EYS: variants seen among roughly 807,000 people sequenced by gnomAD.
The protein encoded by EYS is EGF-like photoreceptor maintenance factor.
In EYS, 250 loss-of-function variants were observed where a neutral mutation model predicts 282.1. That is an observed-to-expected ratio of 0.89 (90% CI 0.80 to 0.98). The LOEUF (loss-of-function observed/expected upper bound fraction) is 0.98. EYS is among the 50% of genes least tolerant of loss of function. The pLI, the probability that EYS is intolerant of heterozygous loss-of-function variation, is 0.00. For missense variants in EYS, 4,016 were observed against 3,709.0 expected, an observed-to-expected ratio of 1.08 and a Z score of -2.15; for synonymous variants, 1,355 against 1,282.9, an observed-to-expected ratio of 1.06 and a Z score of -1.20.
chr6:64,801,674 G>T (rs1467724890), intron 22 of EYS, among the ~76,000 whole-genome samples: 1 of 151,936 alleles, frequency 6.6e-6, no homozygotes, highest in Non-Finnish European at 1.5e-5. Context: ...AAAATGAAAA[G>T]GCTAATAGAT....
chr6:65,503,261 T>C (rs1053344861), intron 2 of EYS, among the ~76,000 whole-genome samples: 2 of 151,714 alleles, frequency 1.3e-5, no homozygotes, highest in South Asian at 4.1e-4. Flanking sequence ...ACCATCTGTA[T>C]ATTTTGGGGG....
chr6:64,646,676 G>A (rs1376188066), intron 22 of EYS, among the ~76,000 whole-genome samples: 2 of 151,882 alleles, frequency 1.3e-5, no homozygotes, highest in Non-Finnish European at 2.9e-5. Context: ...CGTGGTGGCG[G>A]GCGCCTGAGT....
intron 22 of EYS, among the ~76,000 whole-genome samples, chr6:64,708,177 G>T (rs1317683001): frequency 1.3e-5 from 2 of 152,148 alleles, no homozygotes; most frequent in East Asian, 1.9e-4. Flanking sequence ...GTCATAACTT[G>T]TTGACCCAAC....
intron 22 of EYS, among the ~76,000 whole-genome samples, chr6:64,728,177 T>C (rs2149949613): frequency 6.6e-6 from 1 of 152,176 alleles, no homozygotes; most frequent in East Asian, 1.9e-4. Context: ...GCGGACCCTG[T>C]GGCAGTGTCT....
chr6:65,686,852 G>C (rs922796618), intron 1 of EYS, among the ~76,000 whole-genome samples: 1 of 151,994 alleles, frequency 6.6e-6, no homozygotes, highest in Non-Finnish European at 1.5e-5. Context: ...ACTGGTAAAA[G>C]TTAAGAGGTA....
intron 32 of EYS, among the ~76,000 whole-genome samples, chr6:64,075,784 T>C (rs542916923): frequency 8.0e-4 from 121 of 152,084 alleles, no homozygotes; most frequent in African/African-American, 2.8e-3. Context: ...AGCACTGTTT[T>C]ATGCAGGTTA....
At chr6:65,358,843 T>A (rs1382187271) in intron 8 of EYS, among the ~76,000 whole-genome samples, 1 of 152,016 alleles carries the variant, frequency 6.6e-6, no homozygotes, top group African/African-American at 2.4e-5. Flanking sequence ...AAGTTGCTAA[T>A]AACAATATAC....
chr6:63,976,370 T>C (rs1766838169), intron 35 of EYS, among the ~76,000 whole-genome samples: 1 of 152,078 alleles, frequency 6.6e-6, no homozygotes, highest in African/African-American at 2.4e-5. Flanking sequence ...GAGACCACCA[T>C]CATCTGTTTT....
chr6:65,101,243 T>C lies in EYS; in HGVS notation c.2024-43516A>G, dbSNP rs542716391. Reference sequence around the variant, plus strand: ...TTGAAGGCTGAGGAACGAGGCAATATAATATTGAAAACATTTGAAGTTTTT... The same window carrying C: ...TTGAAGGCTGAGGAACGAGGCAATACAATATTGAAAACATTTGAAGTTTTT... On this transcript the variant is annotated intron_variant, in intron 12 of 42. Transcript: ENST00000503581. Among the ~76,000 whole-genome samples the C allele has an allele frequency of 4.0e-5, 6 of 151,264 alleles. No homozygotes were observed. The South Asian group carries it at 1.2e-3, about 31-fold the overall frequency.
At chr6:65,669,381 C>A (rs189149939) in intron 1 of EYS, among the ~76,000 whole-genome samples, 1 of 152,000 alleles carries the variant, frequency 6.6e-6, no homozygotes, top group Non-Finnish European at 1.5e-5. Context: ...AGGCATCAGA[C>A]TCTCTGTACA....
chr6:64,502,382 C>CGGCTA (rs1562029104), intron 26 of EYS, among the ~76,000 whole-genome samples: 1 of 151,890 alleles, frequency 6.6e-6, no homozygotes, highest in East Asian at 1.9e-4. Flanking sequence ...CTAGGACTCC[C>CGGCTA]GGCTAATTTT....
At chr6:64,119,195 G>A (rs371942035) in intron 31 of EYS, among the ~76,000 whole-genome samples, 7 of 152,048 alleles carry the variant, frequency 4.6e-5, no homozygotes, top group African/African-American at 1.4e-4. Flanking sequence ...GTTCAGTGAC[G>A]GGTTTCTCAT....
intron 22 of EYS, among the ~76,000 whole-genome samples, chr6:64,807,595 C>A (rs570687443): frequency 1.3e-5 from 2 of 152,126 alleles, no homozygotes; most frequent in African/African-American, 4.8e-5. Flanking sequence ...CTTTTCTCTA[C>A]TTCAGATGTG....
At chr6:64,713,024 G>A (rs1381361744) in intron 22 of EYS, among the ~76,000 whole-genome samples, 4 of 152,248 alleles carry the variant, frequency 2.6e-5, no homozygotes, top group Admixed American at 2.6e-4. Context: ...ACAAAACAAT[G>A]TTCAAGCACC....
At chr6:64,237,796 C>A (rs1481907016) in intron 30 of EYS, among the ~76,000 whole-genome samples, 4 of 151,812 alleles carry the variant, frequency 2.6e-5, no homozygotes. Context: ...GAGAGCAAAG[C>A]AATACAGAAA....
intron 32 of EYS, among the ~76,000 whole-genome samples, chr6:64,076,944 A>C (rs948495583): frequency 6.6e-6 from 1 of 152,022 alleles, no homozygotes; most frequent in Non-Finnish European, 1.5e-5. Context: ...AACTAGGGAT[A>C]TATAGACCAT....
intron 13 of EYS, among the ~76,000 whole-genome samples, chr6:65,039,951 A>G (rs535661297): frequency 6.6e-6 from 1 of 151,726 alleles, no homozygotes; most frequent in Admixed American, 6.6e-5. Flanking sequence ...AAATGTTTGC[A>G]CGATAGAATC....
intron 2 of EYS, among the ~76,000 whole-genome samples, chr6:65,594,471 A>T (rs1391003241): frequency 1.3e-5 from 2 of 152,062 alleles, no homozygotes; most frequent in East Asian, 3.9e-4. Context: ...AAACTTAGTT[A>T]CATTACTTTG....
intron 31 of EYS, among the ~76,000 whole-genome samples, chr6:64,189,827 T>C (rs1294292533): frequency 3.3e-5 from 5 of 152,152 alleles, no homozygotes; most frequent in Admixed American, 6.6e-5. Context: ...ACTACAACAG[T>C]AGAATCGAAT....
Sources: allele counts gnomAD v4.1 joint callset (sites outside exome capture counted in the v4.1 genomes callset), GRCh38; gene constraint gnomAD v4.1.1; transcripts MANE v1.5; gene names NCBI Gene and HGNC (gene_info 2026-07-23, HGNC 2026-07-21).